Variants in GRM7 observed in about 807,000 individuals in gnomAD.
The protein encoded by GRM7 is glutamate metabotropic receptor 7.
GRM7 carries 35 observed loss-of-function variants against 84.5 expected under a neutral mutation model. The ratio of observed to expected loss-of-function variants is 0.41; its 90% CI spans 0.32 to 0.55. The LOEUF is 0.55. Ranked by LOEUF, GRM7 falls within the 20% of genes least tolerant of loss-of-function variation. GRM7 has a pLI of 0.19. For synonymous variants in GRM7, 487 were observed against 455.1 expected (o/e 1.07, Z -0.89); for missense variants, 1,003 against 1,194.6 (o/e 0.84, Z 2.36).
At chr3:7,342,263 G>T (rs770153889) in intron 4 of GRM7, among the ~76,000 whole-genome samples, 1 of 152,208 alleles carries the variant, frequency 6.6e-6, no homozygotes, top group Middle Eastern at 3.4e-3. Context: ...GGCTTCAACT[G>T]TTTTTCTTAG....
chr3:7,494,342 A>C (rs1185544161), intron 7 of GRM7, among the ~76,000 whole-genome samples: 10 of 152,220 alleles, frequency 6.6e-5, no homozygotes, highest in Non-Finnish European at 1.5e-4. Flanking sequence ...CTGTCAAGTA[A>C]ATTGATGTTC....
chr3:7,287,765 C>G (rs985883657), intron 2 of GRM7, among the ~76,000 whole-genome samples: 15 of 152,118 alleles, frequency 9.9e-5, no homozygotes, highest in African/African-American at 3.4e-4. Flanking sequence ...AAAAATTGCT[C>G]TAATTGATAG....
intron 6 of GRM7, among the ~76,000 whole-genome samples, chr3:7,453,684 T>C (rs1254258468): frequency 6.6e-6 from 1 of 152,130 alleles, no homozygotes; most frequent in African/African-American, 2.4e-5. Context: ...TCAGCCTCCA[T>C]GTGTTCAACT....
intron 8 of GRM7, among the ~76,000 whole-genome samples, chr3:7,604,994 T>G (rs1054400596): frequency 8.5e-5 from 13 of 152,204 alleles, no homozygotes; most frequent in Non-Finnish European, 1.9e-4. Context: ...AAACAAATAA[T>G]GCAATAAAAT....
intron 2 of GRM7, among the ~76,000 whole-genome samples, chr3:7,152,898 T>A (rs1694328900): frequency 6.6e-6 from 1 of 152,146 alleles, no homozygotes; most frequent in Non-Finnish European, 1.5e-5. Context: ...GGTACAGTCA[T>A]TAATTCAGTC....
chr3:7,649,345 A>G (rs879376393), intron 8 of GRM7, among the ~76,000 whole-genome samples: 2 of 152,094 alleles, frequency 1.3e-5, no homozygotes, highest in Admixed American at 1.3e-4. Flanking sequence ...CTGGGATTAC[A>G]GCAAAGTGCT....
intron 1 of GRM7, among the ~76,000 whole-genome samples, chr3:6,920,059 C>A (rs1214351905): frequency 1.3e-5 from 2 of 152,156 alleles, no homozygotes. Context: ...TATTCTTTTG[C>A]TCTGCCAATT....
chr3:7,324,603 T>C (rs1412350846), intron 4 of GRM7, among the ~76,000 whole-genome samples: 1 of 152,196 alleles, frequency 6.6e-6, no homozygotes, highest in Admixed American at 6.5e-5. Context: ...TTTTCCTTTC[T>C]CACATAATAG....
intron 8 of GRM7, among the ~76,000 whole-genome samples, chr3:7,677,292 A>C (rs916058270): frequency 2.0e-5 from 3 of 150,842 alleles, no homozygotes; most frequent in Non-Finnish European, 3.0e-5. Flanking sequence ...AAAAAAAAAA[A>C]AACTTACATA....
At chr3:7,292,595 G>A (rs1699670056) in intron 2 of GRM7, among the ~76,000 whole-genome samples, 1 of 151,986 alleles carries the variant, frequency 6.6e-6, no homozygotes, top group African/African-American at 2.4e-5. Context: ...ATGAGACCCA[G>A]TCCTTCAACT....
chr3:7,001,187 A>G (rs1206904948), intron 1 of GRM7, among the ~76,000 whole-genome samples: 1 of 152,100 alleles, frequency 6.6e-6, no homozygotes, highest in Non-Finnish European at 1.5e-5. Flanking sequence ...ATCCACAAAA[A>G]GATTTTTTTA....
chr3:7,084,292 T>G (rs1269628324), intron 1 of GRM7, among the ~76,000 whole-genome samples: 1 of 151,980 alleles, frequency 6.6e-6, no homozygotes, highest in Non-Finnish European at 1.5e-5. Context: ...TACAGCAACA[T>G]CACATGGGCT....
intron 7 of GRM7, among the ~76,000 whole-genome samples, chr3:7,535,534 G>T (rs1701208900): frequency 6.6e-6 from 1 of 152,136 alleles, no homozygotes; most frequent in South Asian, 2.1e-4. Context: ...TATTCACCTG[G>T]CTTCCTCCAT....
chr3:7,341,202 T>G (rs111315960), intron 4 of GRM7, among the ~76,000 whole-genome samples: 1 of 152,132 alleles, frequency 6.6e-6, no homozygotes, highest in Non-Finnish European at 1.5e-5. Flanking sequence ...ACTGATGCTG[T>G]GGAAAAGAAT....
At chr3:7,705,580 G>T (rs1291046833) in intron 9 of GRM7, among the ~76,000 whole-genome samples, 1 of 152,170 alleles carries the variant, frequency 6.6e-6, no homozygotes, top group African/African-American at 2.4e-5. Flanking sequence ...CTTTCTTAAA[G>T]GTTTGTGTGA....
At chr3:7,647,180 G>T (rs1326974715) in intron 8 of GRM7, among the ~76,000 whole-genome samples, 1 of 152,158 alleles carries the variant, frequency 6.6e-6, no homozygotes, top group Non-Finnish European at 1.5e-5. Flanking sequence ...AAATTAGCCT[G>T]GAAAACCTCT....
intron 4 of GRM7, among the ~76,000 whole-genome samples, chr3:7,409,052 C>G (rs768535599): frequency 3.9e-5 from 6 of 152,142 alleles, no homozygotes; most frequent in Non-Finnish European, 8.8e-5. Context: ...ACTTTCTGTT[C>G]TGTTCCAATG....
intron 4 of GRM7, among the ~76,000 whole-genome samples, chr3:7,381,187 A>G (rs1019379924): frequency 1.3e-5 from 2 of 152,012 alleles, no homozygotes; most frequent in Admixed American, 6.5e-5. Context: ...GTTCAACTCT[A>G]TTTTAAAATA....
chr3:7,601,211 A>G (rs1418597056), intron 8 of GRM7, among the ~76,000 whole-genome samples: 1 of 152,180 alleles, frequency 6.6e-6, no homozygotes, highest in East Asian at 1.9e-4. Context: ...TTCTTAAAGC[A>G]TTTTGATTAC....
Sources: allele counts gnomAD v4.1 joint callset (sites outside exome capture counted in the v4.1 genomes callset), GRCh38; gene constraint gnomAD v4.1.1; transcripts MANE v1.5; gene names NCBI Gene and HGNC (gene_info 2026-07-23, HGNC 2026-07-21).